The following TFEC variants were observed in gnomAD, a reference collection of about 807,000 sequenced individuals.
TFEC encodes the protein transcription factor EC.
In TFEC, 31 loss-of-function variants were observed where a neutral mutation model predicts 41.6. The observed-to-expected ratio is 0.74, with a 90% CI of 0.56 to 1.01. The LOEUF (loss-of-function observed/expected upper bound fraction) is 1.01, where lower values mean the gene tolerates loss of function less well. Ranked by LOEUF, TFEC falls within the 50% of genes least tolerant of loss-of-function variation. TFEC has a pLI of 0.00. For synonymous variants in TFEC, 143 were observed against 140.6 expected (o/e 1.02, Z -0.12); for missense variants, 402 against 404.1 (o/e 0.99, Z 0.04).
intron 3 of TFEC, among the ~76,000 whole-genome samples, chr7:116,096,753 A>G (rs907938565): frequency 6.6e-6 from 1 of 152,172 alleles, no homozygotes; most frequent in Non-Finnish European, 1.5e-5. Flanking sequence ...ATGCCTTCTG[A>G]TGTGTGCTCA....
intron 1 of TFEC, among the ~76,000 whole-genome samples, chr7:116,003,099 C>G (rs1794659460): frequency 6.6e-6 from 1 of 152,026 alleles, no homozygotes; most frequent in Non-Finnish European, 1.5e-5. Context: ...CAATGGACAT[C>G]AATGGTTTAA....
intron 3 of TFEC, among the ~76,000 whole-genome samples, chr7:116,074,595 G>A (rs564178701): frequency 6.6e-6 from 1 of 152,188 alleles, no homozygotes; most frequent in Non-Finnish European, 1.5e-5. Context: ...AAAGCAAGAA[G>A]ACCAATAATA....
intron 3 of TFEC, among the ~76,000 whole-genome samples, chr7:116,053,451 G>A (rs1486242699): frequency 1.3e-5 from 2 of 152,238 alleles, no homozygotes; most frequent in East Asian, 1.9e-4. Context: ...TAGCCTTATA[G>A]TGTAGTGTTG....
rs1489433391 is a variant in TFEC, at chr7:115,939,050, T to C, written c.*1501A>G. 6.6e-6 allele frequency: 1 copy of C among 152,052 alleles called. No homozygotes were observed. The highest frequency in any genetic ancestry group is 1.5e-5 in the Non-Finnish European group (1 of 67,950). The allele number at this position is 152,052 out of a possible 1,614,324, so 9.4% of individuals were successfully genotyped here. On this transcript the variant is annotated 3_prime_UTR_variant, in exon 8 of 8. Transcript: ENST00000265440. Reference sequence around the variant, plus strand: ...CTTTCAAAGAGAAGTCAAATTCTGCTGTTCCCATAAAGTTTGTCAGTCATT... The same window carrying C: ...CTTTCAAAGAGAAGTCAAATTCTGCCGTTCCCATAAAGTTTGTCAGTCATT...
At chr7:116,017,537 G>A (rs776032478) in intron 1 of TFEC, among the ~76,000 whole-genome samples, 3 of 152,024 alleles carry the variant, frequency 2.0e-5, no homozygotes, top group Non-Finnish European at 2.9e-5. Flanking sequence ...ATTTTATCTA[G>A]AATGAAATCC....
chr7:116,142,166 C>T (rs1435791868), intron 1 of TFEC, among the ~76,000 whole-genome samples: 1 of 152,174 alleles, frequency 6.6e-6, no homozygotes, highest in Non-Finnish European at 1.5e-5. Context: ...ATTACCTATA[C>T]AGCTAGAAGA....
chr7:115,961,154 C>T (rs1161808762), intron 3 of TFEC, among the ~76,000 whole-genome samples: 2 of 151,482 alleles, frequency 1.3e-5, no homozygotes, highest in African/African-American at 2.4e-5. Flanking sequence ...AATCTCAGCC[C>T]AATAGACTTG....
intron 1 of TFEC, among the ~76,000 whole-genome samples, chr7:116,005,991 T>C (rs1419584511): frequency 1.3e-5 from 2 of 152,196 alleles, no homozygotes; most frequent in Non-Finnish European, 2.9e-5. Flanking sequence ...CATGAGGTGT[T>C]GAGCCTACGG....
At chr7:115,949,749 A>G (rs1049539009) in intron 6 of TFEC, among the ~76,000 whole-genome samples, 1 of 152,092 alleles carries the variant, frequency 6.6e-6, no homozygotes, top group Non-Finnish European at 1.5e-5. Flanking sequence ...TAAAAACCCT[A>G]GAAGAAAACC....
At chr7:116,097,322 C>T (rs1192438249) in intron 3 of TFEC, among the ~76,000 whole-genome samples, 3 of 152,114 alleles carry the variant, frequency 2.0e-5, no homozygotes, top group African/African-American at 7.2e-5. Flanking sequence ...CTGAACTCTA[C>T]ATTTACTATG....
At chr7:116,135,409 G>C (rs894080353) in intron 1 of TFEC, among the ~76,000 whole-genome samples, 15 of 152,168 alleles carry the variant, frequency 9.9e-5, no homozygotes, top group Admixed American at 7.2e-4. Context: ...ACCACATTTG[G>C]AACAGGAAGT....
intron 1 of TFEC, among the ~76,000 whole-genome samples, chr7:116,138,406 A>ACAGAAGCT (rs1429318028): frequency 2.0e-5 from 3 of 152,172 alleles, no homozygotes; most frequent in African/African-American, 7.2e-5. Context: ...AGTACGTCAC[A>ACAGAAGCT]CAGAAGCTCT....
At chr7:115,994,477 T>C (rs953316983) in intron 1 of TFEC, among the ~76,000 whole-genome samples, 2 of 152,100 alleles carry the variant, frequency 1.3e-5, no homozygotes, top group African/African-American at 2.4e-5. Context: ...GGCTAATATC[T>C]AGAATCTACA....
intron 1 of TFEC, among the ~76,000 whole-genome samples, chr7:116,143,649 G>A (rs1356007889): frequency 6.6e-6 from 1 of 152,156 alleles, no homozygotes; most frequent in African/African-American, 2.4e-5. Context: ...TATGATTGAT[G>A]CTTCTATAGG....
chr7:115,975,619 T>C (rs950450897), intron 2 of TFEC, among the ~76,000 whole-genome samples: 62 of 152,288 alleles, frequency 4.1e-4, no homozygotes, highest in African/African-American at 1.3e-3. Flanking sequence ...CTTCCTCTTA[T>C]GCAGCTCAAA....
intron 1 of TFEC, among the ~76,000 whole-genome samples, chr7:116,153,691 T>C (rs1798808972): frequency 6.6e-6 from 1 of 152,200 alleles, no homozygotes; most frequent in Non-Finnish European, 1.5e-5. Flanking sequence ...CTTCCTTTAC[T>C]ATTTTAGCAA....
intron 3 of TFEC, among the ~76,000 whole-genome samples, chr7:116,036,798 CA>C (rs1466199391): frequency 6.6e-6 from 1 of 151,800 alleles, no homozygotes; most frequent in African/African-American, 2.4e-5. Flanking sequence ...AAGTAGAAAA[CA>C]AAAACTGGTA....
intron 3 of TFEC, among the ~76,000 whole-genome samples, chr7:116,041,579 G>A (rs73448930): frequency 0.02 from 3,055 of 152,294 alleles, 91 homozygotes; most frequent in African/African-American, 0.068. Context: ...GTTATTAGCA[G>A]TGACCACACT....
intron 1 of TFEC, among the ~76,000 whole-genome samples, chr7:116,159,014 A>AT (rs921410967): frequency 4.6e-5 from 7 of 151,908 alleles, no homozygotes. Flanking sequence ...ATGAGTTTGA[A>AT]TAACTTGTGT....
Sources: gnomAD v4.1 joint callset for allele counts (sites outside exome capture counted in the v4.1 genomes callset) on GRCh38, gnomAD v4.1.1 for gene constraint, MANE v1.5 for transcripts, NCBI Gene and HGNC (gene_info 2026-07-23, HGNC 2026-07-21) for gene names.